VPS53: variants seen among roughly 807,000 people sequenced by gnomAD.
The protein encoded by VPS53 is VPS53 subunit of GARP complex.
In VPS53, 70 loss-of-function variants were observed where a neutral mutation model predicts 107.0. The ratio of observed to expected loss-of-function variants is 0.65; its 90% CI spans 0.54 to 0.80. The LOEUF (loss-of-function observed/expected upper bound fraction) is 0.80, where lower values mean the gene tolerates loss of function less well. Ranked by LOEUF, VPS53 falls within the 30% of genes least tolerant of loss-of-function variation. The pLI, the probability that VPS53 is intolerant of heterozygous loss-of-function variation, is 0.00. For missense variants in VPS53, 917 were observed against 1,049.4 expected (o/e 0.87, Z 1.74); for synonymous variants, 409 against 393.3 (o/e 1.04, Z -0.47).
intron 19 of VPS53, chr17:531,832 AG>A (rs1235277672): frequency 7.4e-6 from 1 of 134,462 alleles, no homozygotes; most frequent in Non-Finnish European, 1.5e-5. Context: ...GCTGGAGAGC[AG>A]TGGCGTGATC....
chr17:672,699 T>G (rs1168024546), intron 4 of VPS53, among the ~76,000 whole-genome samples: 1 of 152,258 alleles, frequency 6.6e-6, no homozygotes, highest in Admixed American at 6.5e-5. Context: ...GAGTGCCTAT[T>G]ACATGTACTG....
intron 8 of VPS53, among the ~76,000 whole-genome samples, chr17:630,053 G>C (rs1355870713): frequency 6.6e-6 from 1 of 152,096 alleles, no homozygotes; most frequent in Admixed American, 6.5e-5. Context: ...CAGCACTTTG[G>C]GAGGCCGAGG....
chr17:627,774 TCACA>T (rs60407745), intron 9 of VPS53, among the ~76,000 whole-genome samples: 2,929 of 150,308 alleles, frequency 0.019, 30 homozygotes, highest in Middle Eastern at 0.031. Flanking sequence ...AAACTCCGTC[TCACA>T]CACACACACA....
intron 11 of VPS53, among the ~76,000 whole-genome samples, chr17:615,040 G>A (rs1470336579): frequency 6.6e-6 from 1 of 152,254 alleles, no homozygotes; most frequent in Admixed American, 6.5e-5. Context: ...AAGGCTGAAT[G>A]TCATTTGCTC....
rs148959558 is a variant in VPS53 at position 562,643 on chromosome 17, G to A, written c.1416C>T (p.Ala472=). 7.4e-6 allele frequency: 12 copies of A among 1,613,826 alleles called. No homozygotes were observed. The African/African-American group carries it at 8.0e-5, about 11-fold the overall frequency. Residue 472 remains alanine (A), a synonymous_variant, in exon 14 of 22, where the codon GCC becomes GCT. Coordinates refer to ENST00000437048, the MANE Select transcript of VPS53 (RefSeq NM_001128159.3). The part of the protein sequence containing the change: ...DEGGAVLPSC[A]DLFVYYKKCM... ...ACTTCTTGTAGTAGACAAAGAGGTCGGCGCAGCTGGGGAGCACGGCACCCC... is the reference window on the plus strand; with the variant it reads ...ACTTCTTGTAGTAGACAAAGAGGTCAGCGCAGCTGGGGAGCACGGCACCCC...
At chr17:638,330 C>CCTGAATACAGCACACCGATGGGTCTT (rs1970280068) in intron 7 of VPS53, among the ~76,000 whole-genome samples, 1 of 152,160 alleles carries the variant, frequency 6.6e-6, no homozygotes, top group South Asian at 2.1e-4. Flanking sequence ...AGATGGGTCT[C>CCTGAATACAGCACACCGATGGGTCTT]CTGAATACAG....
intron 1 of VPS53, 63 bp downstream of exon 1, chr17:714,553 CCCCAGCG>C (rs1209637107): frequency 3.4e-5 from 51 of 1,500,864 alleles, no homozygotes; most frequent in Non-Finnish European, 4.4e-5. Flanking sequence ...GCCGCGGCCT[CCCCAGCG>C]CCCGGAGCTG....
At chr17:588,604 G>A (rs1035624489) in intron 12 of VPS53, among the ~76,000 whole-genome samples, 2 of 152,150 alleles carry the variant, frequency 1.3e-5, no homozygotes, top group Non-Finnish European at 2.9e-5. Context: ...CCTTTCAGGA[G>A]TTCCATGTCT....
intron 16 of VPS53, chr17:552,881 T>C: frequency 2.3e-6 from 1 of 426,662 alleles, no homozygotes; most frequent in Admixed American, 4.0e-5. Flanking sequence ...TGCTGTGTAG[T>C]GGAGAAAGGG....
intron 4 of VPS53, among the ~76,000 whole-genome samples, chr17:663,835 GGT>G (rs1491555947): frequency 6.0e-4 from 91 of 152,282 alleles, no homozygotes; most frequent in African/African-American, 2.1e-3. Flanking sequence ...AAGACAGTAT[GGT>G]CTCTCTCTCT....
intron 19 of VPS53, among the ~76,000 whole-genome samples, chr17:529,134 A>C (rs1212192208): frequency 6.6e-6 from 1 of 152,170 alleles, no homozygotes; most frequent in African/African-American, 2.4e-5. Context: ...CTATTTACTG[A>C]AAAGACTCTC....
At chr17:683,043 T>C (rs1247052132) in intron 4 of VPS53, among the ~76,000 whole-genome samples, 1 of 152,112 alleles carries the variant, frequency 6.6e-6, no homozygotes, top group Non-Finnish European at 1.5e-5. Context: ...AACAGCCTCA[T>C]CACACTCGAC....
chr17:623,780 G>T, intron 10 of VPS53, 106 bp from the exon 11 acceptor site: 1 of 1,274,090 alleles, frequency 7.8e-7, no homozygotes, highest in African/African-American at 1.5e-5. Context: ...AATGTATGTG[G>T]TCATTTCAAA....
intron 13 of VPS53, among the ~76,000 whole-genome samples, chr17:572,006 C>G (rs1382818316): frequency 6.6e-6 from 1 of 151,418 alleles, no homozygotes; most frequent in Non-Finnish European, 1.5e-5. Context: ...GGCCGCCCAT[C>G]GTCTGGGATG....
intron 17 of VPS53, among the ~76,000 whole-genome samples, chr17:546,976 G>A (rs1037309872): frequency 6.9e-6 from 1 of 145,654 alleles, no homozygotes; most frequent in African/African-American, 2.5e-5. Context: ...CCAGGTTCAA[G>A]CCATTCTCCT....
chr17:535,188 C>A (rs148359648), intron 18 of VPS53, among the ~76,000 whole-genome samples: 193 of 152,302 alleles, frequency 1.3e-3, no homozygotes, highest in African/African-American at 4.4e-3. Context: ...CAGAAAACCA[C>A]TTCCTAGATC....
At chr17:575,291 T>C (rs374383923) in intron 13 of VPS53, among the ~76,000 whole-genome samples, 46 of 152,358 alleles carry the variant, frequency 3.0e-4, no homozygotes, top group African/African-American at 7.9e-4. Context: ...AATTGAAACA[T>C]TGTCTTACTG....
At chr17:654,305 A>G (rs761122286) in intron 6 of VPS53, among the ~76,000 whole-genome samples, 2 of 152,240 alleles carry the variant, frequency 1.3e-5, no homozygotes, top group Non-Finnish European at 1.5e-5. Flanking sequence ...GCTAAGGTTA[A>G]TGACGCTTAA....
chr17:562,664 A>G lies in VPS53; in HGVS notation c.1395T>C (p.Gly465=), dbSNP rs763600845. 1.2e-6 allele frequency: 2 copies of G among 1,611,662 alleles called. No homozygotes were observed. Among genetic ancestry groups the G allele is most frequent in the Admixed American group, 1.7e-5 (1 of 59,720 alleles). Residue 465 remains glycine, a synonymous_variant, in exon 14 of 22, where the codon GGT becomes GGC. Coordinates refer to ENST00000437048, the MANE Select transcript of VPS53 (RefSeq NM_001128159.3). ...GGTCGGCGCAGCTGGGGAGCACGGC[A>G]CCCCCTTCATCAGTGTTGGGCTTAG... ...GPPKPNTDEG[G]AVLPSCADLF...
Sources: allele counts gnomAD v4.1 joint callset (sites outside exome capture counted in the v4.1 genomes callset), GRCh38; gene constraint gnomAD v4.1.1; transcripts MANE v1.5; gene names NCBI Gene and HGNC (gene_info 2026-07-23, HGNC 2026-07-21).